Variants in LRGUK observed in about 807,000 individuals in gnomAD.
The protein encoded by LRGUK is leucine rich repeats and guanylate kinase domain containing, also known as leucine-rich repeat and guanylate kinase domain-containing protein.
A neutral mutation model predicts 76.0 loss-of-function variants in LRGUK; 65 were observed. The observed-to-expected ratio is 0.85, with a 90% CI of 0.70 to 1.05. LRGUK has a LOEUF of 1.05. Ranked by LOEUF, LRGUK falls within the 50% of genes least tolerant of loss-of-function variation. The probability of loss-of-function intolerance (pLI) is 0.00; values close to 1 mark genes in which losing one functional copy is unlikely to be tolerated. For missense variants in LRGUK, 758 were observed against 732.8 expected (o/e 1.03, Z -0.40); for synonymous variants, 268 against 265.6 (o/e 1.01, Z -0.09).
downstream of LRGUK, among the ~76,000 whole-genome samples, chr7:134,212,756 AG>A (rs1801322327): frequency 1.3e-5 from 2 of 152,234 alleles, no homozygotes; most frequent in South Asian, 4.1e-4. Context: ...TTGCTAGATA[AG>A]GGGAAGTGAT....
At chr7:134,227,897 G>A (rs924944824) in intron 16 of LRGUK, among the ~76,000 whole-genome samples, 6 of 152,042 alleles carry the variant, frequency 3.9e-5, no homozygotes, top group African/African-American at 1.4e-4. Flanking sequence ...GCAAACATGA[G>A]AAGTTCTAAC....
intron 11 of LRGUK, among the ~76,000 whole-genome samples, chr7:134,188,070 A>G (rs191697112): frequency 3.3e-5 from 5 of 152,350 alleles, no homozygotes; most frequent in Admixed American, 2.0e-4. Context: ...TTCATTCAAT[A>G]TTTATCGAGC....
chr7:134,236,956 T>A (rs1802030254), intron 16 of LRGUK, among the ~76,000 whole-genome samples: 1 of 152,218 alleles, frequency 6.6e-6, no homozygotes, highest in Non-Finnish European at 1.5e-5. Flanking sequence ...ATCATTTCAT[T>A]TTCTTTTATT....
At chr7:134,133,261 C>A (rs1029820226) in intron 1 of LRGUK, among the ~76,000 whole-genome samples, 16 of 152,206 alleles carry the variant, frequency 1.1e-4, no homozygotes, top group African/African-American at 3.6e-4. Flanking sequence ...TTTGTACATG[C>A]TGCCCCTTTT....
At position 134,171,000 on chromosome 7, in the gene LRGUK, C is replaced by A. The variant is rs895854146; in HGVS notation, c.940-3556C>A. Among the ~76,000 whole-genome samples the A allele has an allele frequency of 1.4e-4, 21 of 152,206 alleles. No individual in the cohort carries two copies. In the East Asian group the frequency reaches 3.7e-3, roughly 27 times the overall value. Reference sequence around the variant, plus strand: ...TTGTGGTTCATCTTTTAAGTATACACCATTCTTATTTCTCTTAAGATTCTA... The same window carrying A: ...TTGTGGTTCATCTTTTAAGTATACAACATTCTTATTTCTCTTAAGATTCTA... On this transcript the variant is annotated intron_variant, in intron 7 of 15. Coordinates refer to ENST00000645682, the Ensembl canonical transcript of LRGUK.
In LRGUK at chr7:134,253,479, C is replaced by T. The variant is rs562189394; in HGVS notation, c.2198+4403C>T. Among the ~76,000 whole-genome samples, 49 of 152,172 alleles carry T rather than the reference C, an allele frequency of 3.2e-4. No individual in the cohort carries two copies. The South Asian group carries it at 8.9e-3, about 28-fold the overall frequency. On this transcript the variant is annotated intron_variant, in intron 18 of 19. Coordinates refer to the LRGUK transcript ENST00000285928. ...TGTTATAAAGTGAGTTAAGTTCTTC[C>T]GTATCATAGCAGAAATCCTATCTAT...
At chr7:134,139,133 GA>G (rs916414764) in intron 2 of LRGUK, among the ~76,000 whole-genome samples, 13 of 151,252 alleles carry the variant, frequency 8.6e-5, no homozygotes, top group South Asian at 2.1e-4. Context: ...TTTATTAAAA[GA>G]AAAAAAAGAC....
chr7:134,205,300 A>G (rs536765066), intron 15 of LRGUK, among the ~76,000 whole-genome samples: 3 of 152,132 alleles, frequency 2.0e-5, no homozygotes, highest in African/African-American at 7.2e-5. Context: ...GCGTTTTACA[A>G]TCCTCTTGTA....
intron 5 of LRGUK, among the ~76,000 whole-genome samples, chr7:134,148,847 G>C (rs945970231): frequency 1.3e-5 from 2 of 152,064 alleles, no homozygotes; most frequent in East Asian, 3.9e-4. Context: ...CCAGGGAAGT[G>C]GAGGTTGTAG....
chr7:134,164,957 T>G (rs999916722), intron 7 of LRGUK, among the ~76,000 whole-genome samples: 1 of 152,214 alleles, frequency 6.6e-6, no homozygotes, highest in Non-Finnish European at 1.5e-5. Context: ...TCTTAGGAAG[T>G]CCACACAATC....
intron 17 of LRGUK, 32 bp from the exon 18 acceptor site, chr7:134,248,919 G>GTTT (rs34245697): frequency 1.8e-4 from 220 of 1,198,262 alleles, no homozygotes; most frequent in South Asian, 8.9e-4. Flanking sequence ...AAATCCTTTG[G>GTTT]TTTTTTTTTT....
Position 134,228,869 on chromosome 7 carries a change from A to G in LRGUK, c.1983+6951A>G, listed in dbSNP as rs190859108. On this transcript the variant is annotated intron_variant, in intron 16 of 19. Transcript: ENST00000285928. ...AAGATTAGGAAATGTATTACTTTTA[A>G]TCTAATTGGGGGAAGGAGTAGAATA... Among the ~76,000 whole-genome samples the G allele has an allele frequency of 3.3e-3, 501 of 152,254 alleles. 4 individuals are homozygous for G. The highest frequency in any genetic ancestry group is 0.011 in the African/African-American group (469 of 41,578).
chr7:134,153,144 C>A (rs1161438070), intron 5 of LRGUK, among the ~76,000 whole-genome samples: 1 of 151,578 alleles, frequency 6.6e-6, no homozygotes, highest in Non-Finnish European at 1.5e-5. Context: ...TAAACTTAAC[C>A]CAGCTCTATG....
intron 12 of LRGUK, among the ~76,000 whole-genome samples, chr7:134,196,673 G>A (rs1178013763): frequency 6.6e-6 from 1 of 152,150 alleles, no homozygotes; most frequent in East Asian, 1.9e-4. Flanking sequence ...GAAGGTTTTG[G>A]TGCGGGTTTG....
chr7:134,216,372 G>A (rs503689), intron 15 of LRGUK, among the ~76,000 whole-genome samples: 149,121 of 152,298 alleles, frequency 0.98, 73,020 homozygotes, highest in East Asian at 1. Context: ...GATTTAATTA[G>A]GTAACTTAAA....
At chr7:134,223,977 A>ACCTTGCTTACC (rs1801667829) in intron 16 of LRGUK, among the ~76,000 whole-genome samples, 1 of 152,056 alleles carries the variant, frequency 6.6e-6, no homozygotes. Flanking sequence ...ACCTGGGGTA[A>ACCTTGCTTACC]TGGGTAGAAG....
At chr7:134,148,857 G>A (rs1383476027) in intron 5 of LRGUK, among the ~76,000 whole-genome samples, 2 of 151,994 alleles carry the variant, frequency 1.3e-5, no homozygotes, top group East Asian at 1.9e-4. Flanking sequence ...GGAGGTTGTA[G>A]TGAGCCAAGA....
chr7:134,136,059 G>A lies in LRGUK; in HGVS notation c.298-964G>A, dbSNP rs1451690238. Among the ~76,000 whole-genome samples the A allele has an allele frequency of 3.3e-5, 5 of 152,314 alleles. No individual in the cohort carries two copies. In the East Asian group the frequency reaches 9.6e-4, roughly 29 times the overall value. On this transcript the variant is annotated intron_variant, in intron 1 of 15. Transcript: ENST00000645682. The stretch of plus-strand genomic sequence containing the variant: ...AATTCATATAGAGGACTTAGAAAAA[G>A]GGTATTTTGCCATGGTTATCTATAT...
intron 19 of LRGUK, 80 bp downstream of exon 19, chr7:134,258,485 G>C (rs113939943): frequency 4.4e-5 from 60 of 1,374,308 alleles, no homozygotes; most frequent in Non-Finnish European, 5.8e-5. Flanking sequence ...ATCTCCTGAC[G>C]TCAGGAGTTC....
Sources: gnomAD v4.1 joint callset for allele counts (sites outside exome capture counted in the v4.1 genomes callset) on GRCh38, gnomAD v4.1.1 for gene constraint, MANE v1.5 for transcripts, NCBI Gene and HGNC (gene_info 2026-07-23, HGNC 2026-07-21) for gene names.